Variants in NTM observed in about 807,000 individuals in gnomAD.
The protein encoded by NTM is neurotrimin.
Under a neutral mutation model 42.1 loss-of-function variants are expected in NTM, and 13 were observed. The ratio of observed to expected loss-of-function variants is 0.31; its 90% CI spans 0.20 to 0.49. The LOEUF (loss-of-function observed/expected upper bound fraction) is 0.49, where lower values mean the gene tolerates loss of function less well. Among genes scored for constraint, NTM ranks in the 20% least tolerant of loss-of-function variants. The probability of loss-of-function intolerance (pLI) is 0.99; values close to 1 mark genes in which losing one functional copy is unlikely to be tolerated. For synonymous variants in NTM, 187 were observed against 179.2 expected, an observed-to-expected ratio of 1.04 and a Z score of -0.35; for missense variants, 373 against 452.8, an observed-to-expected ratio of 0.82 and a Z score of 1.60.
At chr11:131,428,956 G>A (rs1948427180) in intron 1 of NTM, among the ~76,000 whole-genome samples, 1 of 151,596 alleles carries the variant, frequency 6.6e-6, no homozygotes, top group South Asian at 2.1e-4. Flanking sequence ...TTGGGAGCCT[G>A]AAGCAGGAGA....
intron 1 of NTM, among the ~76,000 whole-genome samples, chr11:131,485,413 G>T (rs1954063248): frequency 6.6e-6 from 1 of 152,146 alleles, no homozygotes; most frequent in Admixed American, 6.5e-5. Context: ...TATTTTGCAG[G>T]TGTGTGTGAG....
intron 1 of NTM, among the ~76,000 whole-genome samples, chr11:131,531,124 G>C (rs1477677662): frequency 1.3e-5 from 2 of 152,220 alleles, no homozygotes; most frequent in Non-Finnish European, 2.9e-5. Flanking sequence ...AGGCTCCACT[G>C]CCAGACCAGA....
At chr11:131,503,202 C>G (rs1414388768) in intron 1 of NTM, among the ~76,000 whole-genome samples, 2 of 152,178 alleles carry the variant, frequency 1.3e-5, no homozygotes, top group African/African-American at 4.8e-5. Flanking sequence ...GGAATGAGAG[C>G]TGATGTCCTG....
intron 1 of NTM, among the ~76,000 whole-genome samples, chr11:131,693,707 C>T (rs375935560): frequency 9.2e-5 from 14 of 152,268 alleles, no homozygotes; most frequent in African/African-American, 3.4e-4. Flanking sequence ...GTATATATGC[C>T]CTGGTGTTCC....
At chr11:131,804,514 G>A (rs2092368228) in intron 1 of NTM, among the ~76,000 whole-genome samples, 1 of 152,102 alleles carries the variant, frequency 6.6e-6, no homozygotes, top group African/African-American at 2.4e-5. Flanking sequence ...ATTTGATCCT[G>A]CCATCCCCTC....
intron 1 of NTM, among the ~76,000 whole-genome samples, chr11:131,785,033 C>CGT (rs1316004287): frequency 1.3e-5 from 2 of 151,944 alleles, no homozygotes; most frequent in East Asian, 1.9e-4. Flanking sequence ...TGTGTGTGTG[C>CGT]GTGTGTGTGT....
At chr11:131,869,026 G>C (rs1194895787) in intron 1 of NTM, among the ~76,000 whole-genome samples, 1 of 152,174 alleles carries the variant, frequency 6.6e-6, no homozygotes, top group African/African-American at 2.4e-5. Context: ...ATTTGACGTG[G>C]TTTATGGTGG....
chr11:132,155,222 CT>C (rs915084362), intron 3 of NTM, among the ~76,000 whole-genome samples: 2 of 152,062 alleles, frequency 1.3e-5, no homozygotes, highest in African/African-American at 4.8e-5. Context: ...AAATGATCTC[CT>C]TGTTTTAGTT....
chr11:131,619,895 C>T (rs1250872044), intron 1 of NTM, among the ~76,000 whole-genome samples: 2 of 151,678 alleles, frequency 1.3e-5, no homozygotes, highest in South Asian at 2.1e-4. Context: ...ACCTCTGCCT[C>T]GTGGGTTCAA....
Position 132,002,482 on chromosome 11 carries a change from A to G in NTM, c.167+90834A>G, listed in dbSNP as rs1017980424. 3.3e-5 allele frequency among the ~76,000 whole-genome samples: 5 copies of G among 152,154 alleles called. No individual in the cohort carries two copies. The highest frequency in any genetic ancestry group is 5.9e-5 in the Non-Finnish European group (4 of 68,034). The stretch of plus-strand genomic sequence containing the variant: ...GATCAACAATTAACCCTACGTCTCA[A>G]TTCATCATAAGCAAATACAATTACT... On this transcript the variant is annotated intron_variant, in intron 2 of 8. Coordinates refer to ENST00000683400, the MANE Select transcript of NTM (RefSeq NM_001352005.2). This position sits in a 1 kb window ranked among gnomAD's most constrained non-coding sequence, Gnocchi z 4.5.
intron 2 of NTM, among the ~76,000 whole-genome samples, chr11:132,131,222 A>T (rs1346472230): frequency 6.6e-6 from 1 of 152,152 alleles, no homozygotes; most frequent in Non-Finnish European, 1.5e-5. Context: ...GCCCGGTGTG[A>T]GTAACCATGG....
At chr11:131,564,191 C>T (rs1421411586) in intron 1 of NTM, among the ~76,000 whole-genome samples, 2 of 152,228 alleles carry the variant, frequency 1.3e-5, no homozygotes, top group South Asian at 2.1e-4. Flanking sequence ...AACTGACTAA[C>T]CATGAGGTCC....
chr11:131,866,546 T>C (rs2047243112), intron 1 of NTM, among the ~76,000 whole-genome samples: 1 of 152,226 alleles, frequency 6.6e-6, no homozygotes, highest in African/African-American at 2.4e-5. Flanking sequence ...CCACCTCACA[T>C]TAATTTAGTG....
chr11:131,853,590 T>G (rs150178988), intron 1 of NTM, among the ~76,000 whole-genome samples: 1,872 of 152,346 alleles, frequency 0.012, 8 homozygotes, highest in Middle Eastern at 0.017. Flanking sequence ...TTTTTGTGAT[T>G]GCATAGTATT....
At chr11:131,932,029 C>T (rs546479994) in intron 2 of NTM, among the ~76,000 whole-genome samples, 1 of 152,304 alleles carries the variant, frequency 6.6e-6, no homozygotes, top group African/African-American at 2.4e-5. Context: ...GCTGTCAGAA[C>T]CAGGAAGACT....
Position 132,146,242 on chromosome 11 carries a change from C to T in NTM, c.168-40C>T. On this transcript the variant is annotated intron_variant, in intron 2 of 8. Transcript: ENST00000683400. This position sits in a 1 kb window ranked among gnomAD's most constrained non-coding sequence, Gnocchi z 4.5. ...ACCTCCCTCTGATGGCTGCTGTCGT[C>T]TCTCAGTCCCTTGACGTACCTGTCT... 1.2e-6 allele frequency: 2 copies of T among 1,608,208 alleles called. No homozygotes were observed. The highest frequency in any genetic ancestry group is 1.7e-6 in the Non-Finnish European group (2 of 1,175,846).
rs1040104 is a variant in NTM, at chr11:131,572,250, C to G, written c.82+201362C>G. On this transcript the variant is annotated intron_variant, in intron 1 of 8. Coordinates refer to ENST00000683400, the MANE Select transcript of NTM (RefSeq NM_001352005.2). The stretch of plus-strand genomic sequence containing the variant: ...ACGGGGTCAGACCATCAGAGGTGCC[C>G]TGATGTACAAGGGGAGCCTGGCTAA... Among the ~76,000 whole-genome samples the G allele has an allele frequency of 7.2e-5, 11 of 152,218 alleles. No individual in the cohort carries two copies. In the East Asian group the frequency reaches 2.1e-3, roughly 30 times the overall value.
chr11:131,745,217 C>G (rs1352868687), intron 1 of NTM, among the ~76,000 whole-genome samples: 2 of 152,052 alleles, frequency 1.3e-5, no homozygotes, highest in Non-Finnish European at 2.9e-5. Context: ...TCGAGCTTTC[C>G]CTGTAGGACT....
intron 1 of NTM, among the ~76,000 whole-genome samples, chr11:131,607,353 G>A (rs1506662): frequency 0.47 from 72,043 of 151,960 alleles, 17,773 homozygotes; most frequent in East Asian, 0.61. Context: ...TCCTCCCTGT[G>A]CTGTGTTTTG....
Sources: gnomAD v4.1 joint callset for allele counts (sites outside exome capture counted in the v4.1 genomes callset) on GRCh38, gnomAD v4.1.1 for gene constraint, Gnocchi (gnomAD v3.1) non-coding constraint, MANE v1.5 for transcripts, NCBI Gene and HGNC (gene_info 2026-07-23, HGNC 2026-07-21) for gene names.